The following CTNNA2 variants were observed in gnomAD, a reference collection of about 807,000 sequenced individuals.
The protein encoded by CTNNA2 is catenin alpha-2.
A neutral mutation model predicts 101.0 loss-of-function variants in CTNNA2; 42 were observed. The observed-to-expected ratio is 0.42, with a 90% CI of 0.32 to 0.54. The LOEUF is 0.54. Ranked by LOEUF, CTNNA2 falls within the 20% of genes least tolerant of loss-of-function variation. The pLI is 0.14. For missense variants in CTNNA2, 871 were observed against 1,223.1 expected (o/e 0.71, Z 4.29); for synonymous variants, 450 against 456.4 (o/e 0.99, Z 0.18).
intron 3 of CTNNA2, among the ~76,000 whole-genome samples, chr2:79,821,503 C>T (rs891988498): frequency 2.6e-5 from 4 of 152,110 alleles, no homozygotes; most frequent in African/African-American, 4.8e-5. Context: ...GCTACAGCAT[C>T]GGCCTAATTG....
intron 9 of CTNNA2, among the ~76,000 whole-genome samples, chr2:80,540,546 G>GT (rs1691464293): frequency 6.7e-6 from 1 of 150,100 alleles, no homozygotes; most frequent in African/African-American, 2.5e-5. Context: ...ACAGTGAGCT[G>GT]AGATCTTGCT....
intron 3 of CTNNA2, among the ~76,000 whole-genome samples, chr2:79,323,032 G>A (rs889267820): frequency 2.6e-4 from 39 of 152,224 alleles, no homozygotes; most frequent in African/African-American, 9.4e-4. Flanking sequence ...CCCATGCTAG[G>A]AATAAGAGGA....
At chr2:79,768,881 G>A (rs1279321629) in intron 3 of CTNNA2, among the ~76,000 whole-genome samples, 2 of 152,056 alleles carry the variant, frequency 1.3e-5, no homozygotes, top group East Asian at 1.9e-4. Flanking sequence ...TTGAGACTGA[G>A]TCTCACTCTG....
intron 16 of CTNNA2, chr2:80,605,680 A>G (rs1173773818): frequency 6.6e-6 from 1 of 152,002 alleles, no homozygotes; most frequent in Non-Finnish European, 1.5e-5. Context: ...TGAAAAAACA[A>G]AACAAACAAA....
At chr2:80,255,417 G>GA (rs534107901) in intron 7 of CTNNA2, among the ~76,000 whole-genome samples, 213 of 147,792 alleles carry the variant, frequency 1.4e-3, no homozygotes, top group Middle Eastern at 3.5e-3. Context: ...AAGAATGAAA[G>GA]AAAAAAAAAA....
intron 1 of CTNNA2, among the ~76,000 whole-genome samples, chr2:79,601,535 G>A (rs1005183082): frequency 1.3e-5 from 2 of 152,142 alleles, no homozygotes; most frequent in African/African-American, 4.8e-5. Flanking sequence ...AAGGGTTGTG[G>A]GTATCAGCTG....
At chr2:79,468,140 C>G (rs545462382) in intron 4 of CTNNA2, among the ~76,000 whole-genome samples, 28 of 152,256 alleles carry the variant, frequency 1.8e-4, no homozygotes, top group Middle Eastern at 6.8e-3. Flanking sequence ...ACCCATCTTA[C>G]ATGCAGAGAC....
chr2:79,331,421 A>G (rs1248745991), intron 3 of CTNNA2, among the ~76,000 whole-genome samples: 1 of 152,148 alleles, frequency 6.6e-6, no homozygotes, highest in African/African-American at 2.4e-5. Context: ...GCCCTAACTT[A>G]TACCCTACCA....
intron 9 of CTNNA2, 36 bp from the exon 10 acceptor site, chr2:80,544,946 C>G (rs1366558104): frequency 3.2e-6 from 5 of 1,581,158 alleles, no homozygotes; most frequent in Admixed American, 3.4e-5. Context: ...TCCCTTTGCC[C>G]CAACCTAATA....
chr2:80,489,962 G>A (rs886510590), intron 9 of CTNNA2, among the ~76,000 whole-genome samples: 1 of 152,100 alleles, frequency 6.6e-6, no homozygotes, highest in Non-Finnish European at 1.5e-5. Flanking sequence ...AAACAGGTCC[G>A]AGGGGATGGA....
chr2:80,454,324 T>C (rs1469428344), intron 9 of CTNNA2, among the ~76,000 whole-genome samples: 1 of 152,174 alleles, frequency 6.6e-6, no homozygotes, highest in East Asian at 1.9e-4. Context: ...TATGCTGTTA[T>C]GGAAGGTCCC....
Position 80,303,799 on chromosome 2 carries a change from A to G in CTNNA2, c.1057-89412A>G. The G allele has an allele frequency of 6.6e-7, 1 of 1,516,838 alleles. No individual in the cohort carries two copies. The highest frequency in any genetic ancestry group is 8.8e-7 in the Non-Finnish European group (1 of 1,133,304). 94.0% of individuals were successfully genotyped at this position (1,516,838 alleles called of 1,614,324 possible). On this transcript the variant is annotated intron_variant, in intron 7 of 18. Transcript: ENST00000402739. The surrounding 1 kb of genome is among the most constrained non-coding windows in gnomAD (Gnocchi z 7.7). ...TCCTCAGCAGCCAGTATAGACAGAG[A>G]CCGAGCAGCAGGAAATCCATTAGCG...
intron 7 of CTNNA2, among the ~76,000 whole-genome samples, chr2:80,224,839 CT>C (rs5832442): frequency 2.0e-5 from 3 of 151,370 alleles, no homozygotes; most frequent in Admixed American, 6.6e-5. Context: ...AATTATACAG[CT>C]TTTTTTTTCT....
At chr2:80,108,831 T>G (rs1701040037) in intron 7 of CTNNA2, among the ~76,000 whole-genome samples, 1 of 152,194 alleles carries the variant, frequency 6.6e-6, no homozygotes, top group Non-Finnish European at 1.5e-5. Flanking sequence ...TCACAAGTGC[T>G]TCTTGCTTTT....
intron 7 of CTNNA2, among the ~76,000 whole-genome samples, chr2:80,275,621 A>T (rs1050501132): frequency 1.3e-5 from 2 of 152,140 alleles, no homozygotes; most frequent in Non-Finnish European, 2.9e-5. Context: ...TTAGTGTGGA[A>T]CCTGACACTT....
chr2:80,363,859 C>G (rs1286379840), intron 7 of CTNNA2, among the ~76,000 whole-genome samples: 1 of 152,102 alleles, frequency 6.6e-6, no homozygotes, highest in Non-Finnish European at 1.5e-5. Context: ...ATTCATTAAT[C>G]CCATTTCCCT....
At chr2:79,904,976 G>C (rs1685319870) in intron 6 of CTNNA2, among the ~76,000 whole-genome samples, 1 of 152,158 alleles carries the variant, frequency 6.6e-6, no homozygotes, top group African/African-American at 2.4e-5. Flanking sequence ...AATTTTTATA[G>C]AGCGCCACAT....
chr2:80,178,817 C>T (rs1705568438), intron 7 of CTNNA2, among the ~76,000 whole-genome samples: 1 of 152,192 alleles, frequency 6.6e-6, no homozygotes, highest in African/African-American at 2.4e-5. Flanking sequence ...GGCCCCACAA[C>T]ACTGTACTCC....
intron 7 of CTNNA2, among the ~76,000 whole-genome samples, chr2:80,221,008 A>G (rs1708541255): frequency 6.6e-6 from 1 of 152,062 alleles, no homozygotes. Flanking sequence ...CAGCCTCCCA[A>G]GTAGCTAGGA....
Sources: allele counts gnomAD v4.1 joint callset (sites outside exome capture counted in the v4.1 genomes callset), GRCh38; gene constraint gnomAD v4.1.1; non-coding constraint Gnocchi (gnomAD v3.1); transcripts MANE v1.5; gene names NCBI Gene and HGNC (gene_info 2026-07-23, HGNC 2026-07-21).